Variants in HECTD2 observed in about 807,000 individuals in gnomAD.
The protein encoded by HECTD2 is HECT domain E3 ubiquitin protein ligase 2.
HECTD2 carries 35 observed loss-of-function variants against 103.2 expected under a neutral mutation model. The observed-to-expected ratio is 0.34, with a 90% CI of 0.26 to 0.45. The LOEUF is 0.45. Among genes scored for constraint, HECTD2 ranks in the 20% least tolerant of loss-of-function variants. The probability of loss-of-function intolerance (pLI) is 1.00; values close to 1 mark genes in which losing one functional copy is unlikely to be tolerated. For synonymous variants in HECTD2, 281 were observed against 329.9 expected (o/e 0.85, Z 1.61); for missense variants, 596 against 937.4 (o/e 0.64, Z 4.76).
chr10:91,425,515 A>G (rs1355919334), intron 2 of HECTD2, 105 bp downstream of exon 2: 1 of 781,314 alleles, frequency 1.3e-6, no homozygotes, highest in Non-Finnish European at 1.8e-6. Flanking sequence ...AGTTAATACA[A>G]CAAAAAGAAG....
intron 15 of HECTD2, among the ~76,000 whole-genome samples, chr10:91,497,050 C>G (rs1264907921): frequency 6.6e-6 from 1 of 150,658 alleles, no homozygotes; most frequent in African/African-American, 2.4e-5. Flanking sequence ...ACCTCCGCCT[C>G]CTGGGTTCAA....
intron 5 of HECTD2, among the ~76,000 whole-genome samples, chr10:91,473,282 T>C (rs1043212304): frequency 1.3e-5 from 2 of 152,178 alleles, no homozygotes; most frequent in Non-Finnish European, 2.9e-5. Flanking sequence ...CACAGCAATC[T>C]GGGAGCCAAA....
Position 91,473,063 on chromosome 10 carries a change from T to C in HECTD2, c.601-5138T>C, listed in dbSNP as rs1047245444. 2.0e-5 allele frequency among the ~76,000 whole-genome samples: 3 copies of C among 152,308 alleles called. No individual in the cohort carries two copies. The East Asian group carries it at 5.8e-4, about 29-fold the overall frequency. On this transcript the variant is annotated intron_variant, in intron 5 of 20. Transcript: ENST00000298068. ...TTATGGCACAGAAAGAATGGGGGTG[T>C]ATATTTAATACCTGGGAGTTTCCCA...
At chr10:91,430,355 G>A (rs1462536247) in intron 2 of HECTD2, among the ~76,000 whole-genome samples, 1 of 152,174 alleles carries the variant, frequency 6.6e-6, no homozygotes, top group African/African-American at 2.4e-5. Context: ...TGTCTATTCT[G>A]TTGATTTGGG....
Position 91,461,328 on chromosome 10 carries a change from C to A in HECTD2, c.482C>A (p.Ser161Tyr). The change falls in exon 4 of 21, where the codon TCT becomes TAT. Residue 161 changes from serine to tyrosine, a missense_variant. Coordinates refer to ENST00000298068, the MANE Select transcript of HECTD2 (RefSeq NM_182765.6). The stretch of plus-strand genomic sequence containing the variant: ...GATTTTTATCTAACAACGTTTGATT[C>A]TTTCCCAGAATTAAATGCTGCATTT... ...VHDFYLTTFDSFPELNAAFKK... is the reference protein window; with the variant it reads ...VHDFYLTTFDYFPELNAAFKK... 1 of 1,537,022 alleles carries A rather than the reference C, an allele frequency of 6.5e-7. No individual in the cohort carries two copies. The highest frequency in any genetic ancestry group is 8.8e-7 in the Non-Finnish European group (1 of 1,134,876).
chr10:91,508,537 T>C (rs1193082349), intron 20 of HECTD2, among the ~76,000 whole-genome samples: 1 of 150,968 alleles, frequency 6.6e-6, no homozygotes, highest in African/African-American at 2.5e-5. Context: ...TCACCATCAC[T>C]GGCCATCAGA....
At chr10:91,436,753 T>G (rs1268456294) in intron 2 of HECTD2, among the ~76,000 whole-genome samples, 1 of 152,028 alleles carries the variant, frequency 6.6e-6, no homozygotes, top group Non-Finnish European at 1.5e-5. Flanking sequence ...TCTGTGCCCT[T>G]TAAGAATTCT....
At chr10:91,424,688 T>C (rs909311314) in intron 1 of HECTD2, among the ~76,000 whole-genome samples, 6 of 152,150 alleles carry the variant, frequency 3.9e-5, no homozygotes, top group African/African-American at 1.4e-4. Flanking sequence ...TTCCATGTTT[T>C]AGAAGATTGC....
At chr10:91,509,349 A>T (rs1191522542) in intron 20 of HECTD2, among the ~76,000 whole-genome samples, 3 of 152,164 alleles carry the variant, frequency 2.0e-5, no homozygotes, top group Non-Finnish European at 4.4e-5. Flanking sequence ...GAGAATGCTT[A>T]TACACTGCTG....
At chr10:91,414,540 A>G (rs1049833410) in intron 1 of HECTD2, among the ~76,000 whole-genome samples, 4 of 152,238 alleles carry the variant, frequency 2.6e-5, no homozygotes, top group Non-Finnish European at 5.9e-5. Flanking sequence ...CAGGGTTAAC[A>G]CATGAAAAGC....
Position 91,484,553 on chromosome 10 carries a change from T to C in HECTD2, c.868T>C (p.Phe290Leu), listed in dbSNP as rs1263768914. 1.2e-6 allele frequency: 2 copies of C among 1,612,098 alleles called. No homozygotes were observed. The highest frequency in any genetic ancestry group is 1.7e-6 in the Non-Finnish European group (2 of 1,178,836). Residue 290 changes from phenylalanine (F) to leucine (L), a missense_variant, in exon 9 of 21, where the codon TTT becomes CTT. Transcript: ENST00000298068. Reference sequence around the variant, plus strand: ...ACAATTGGTAGAGAGATTGCTGCAATTTATTTCTTTACGCCTGTTTCCTGC... The same window carrying C: ...ACAATTGGTAGAGAGATTGCTGCAACTTATTTCTTTACGCCTGTTTCCTGC... ...FKQLVERLLQ[F>L]ISLRLFPAKP...
chr10:91,483,033 T>G lies in HECTD2; in HGVS notation c.778T>G (p.Leu260Val). Residue 260 changes from leucine to valine, a missense_variant, in exon 8 of 21, where the codon TTA becomes GTA. Transcript: ENST00000298068. Reference protein sequence around the residue: ...YAHLLRQIATLVEADHHFLVH... With the variant: ...YAHLLRQIATVVEADHHFLVH... ...TCACTTGCTACGACAGATAGCTACC[T>G]TAGTGGAAGCTGACCATCATTTCCT... 6.3e-7 allele frequency: 1 copy of G among 1,586,638 alleles called. No homozygotes were observed. The highest frequency in any genetic ancestry group is 8.6e-7 in the Non-Finnish European group (1 of 1,158,022).
intron 2 of HECTD2, among the ~76,000 whole-genome samples, chr10:91,438,038 G>A (rs1844210222): frequency 2.6e-5 from 4 of 151,716 alleles, no homozygotes; most frequent in Admixed American, 2.6e-4. Context: ...TTCCCCTCAG[G>A]TAGACCTTGA....
chr10:91,433,517 A>T (rs537102849), intron 2 of HECTD2, among the ~76,000 whole-genome samples: 1 of 152,088 alleles, frequency 6.6e-6, no homozygotes, highest in African/African-American at 2.4e-5. Flanking sequence ...ATTATTTTTT[A>T]CAAATATATT....
chr10:91,462,291 G>C, intron 5 of HECTD2, 107 bp downstream of exon 5: 1 of 1,240,884 alleles, frequency 8.1e-7, no homozygotes, highest in Non-Finnish European at 1.1e-6. Context: ...TAGAAACTCT[G>C]ATACAATTTT....
chr10:91,509,462 A>C (rs999930382), intron 20 of HECTD2, among the ~76,000 whole-genome samples: 2 of 152,078 alleles, frequency 1.3e-5, no homozygotes, highest in Non-Finnish European at 2.9e-5. Context: ...TTGGGTATGT[A>C]CCCAAAGGAA....
intron 5 of HECTD2, among the ~76,000 whole-genome samples, chr10:91,465,055 A>C (rs547433441): frequency 6.6e-6 from 1 of 152,368 alleles, no homozygotes; most frequent in Non-Finnish European, 1.5e-5. Flanking sequence ...AAACACATGC[A>C]AAGACTATAA....
At chr10:91,427,159 G>A (rs1261217569) in intron 2 of HECTD2, among the ~76,000 whole-genome samples, 2 of 151,284 alleles carry the variant, frequency 1.3e-5, no homozygotes, top group African/African-American at 2.4e-5. Context: ...TTTCATCCAT[G>A]TCCCTACAAA....
In HECTD2 at chr10:91,496,389, T is replaced by A; in HGVS notation, c.1680+17T>A. The A allele has an allele frequency of 6.4e-7, 1 of 1,573,118 alleles. No individual in the cohort carries two copies. The highest frequency in any genetic ancestry group is 8.7e-7 in the Non-Finnish European group (1 of 1,149,640). On this transcript the variant is annotated intron_variant, in intron 15 of 20. Coordinates refer to ENST00000298068, the MANE Select transcript of HECTD2 (RefSeq NM_182765.6). ...ATTATGCCTGTAAGTATAAAGTTAT[T>A]AATATCTTGTCCTTTAATGCGAAAT...
Sources: gnomAD v4.1 joint callset for allele counts (sites outside exome capture counted in the v4.1 genomes callset) on GRCh38, gnomAD v4.1.1 for gene constraint, MANE v1.5 for transcripts, NCBI Gene and HGNC (gene_info 2026-07-23, HGNC 2026-07-21) for gene names.